PSKH1: variants seen among roughly 807,000 people sequenced by gnomAD.
The protein encoded by PSKH1 is serine/threonine-protein kinase H1.
In PSKH1, 12 loss-of-function variants were observed where a neutral mutation model predicts 26.7. The ratio of observed to expected loss-of-function variants is 0.45; its 90% CI spans 0.29 to 0.73. The LOEUF (loss-of-function observed/expected upper bound fraction) is 0.73, where lower values mean the gene tolerates loss of function less well. Ranked by LOEUF, PSKH1 falls within the 30% of genes least tolerant of loss-of-function variation. The probability of loss-of-function intolerance (pLI) is 0.11; values close to 1 mark genes in which losing one functional copy is unlikely to be tolerated. For missense variants in PSKH1, 431 were observed against 595.2 expected (o/e 0.72, Z 2.87); for synonymous variants, 213 against 234.3 (o/e 0.91, Z 0.83).
intron 1 of PSKH1, among the ~76,000 whole-genome samples, chr16:67,897,139 C>T (rs796160507): frequency 4.6e-5 from 7 of 152,318 alleles, no homozygotes; most frequent in African/African-American, 1.7e-4. Context: ...CAGCTGTCTC[C>T]ACTGACTCCC....
At chr16:67,903,189 C>G (rs576351325) in intron 1 of PSKH1, 1 of 152,042 alleles carries the variant, frequency 6.6e-6, no homozygotes, top group Non-Finnish European at 1.5e-5. Context: ...ATTTCTGTCT[C>G]CCAGGCTGGA....
chr16:67,904,025 T>G (rs1346464618), intron 1 of PSKH1, among the ~76,000 whole-genome samples: 1 of 150,210 alleles, frequency 6.7e-6, no homozygotes, highest in Admixed American at 6.6e-5. Context: ...GATTTTTTTT[T>G]TTTTTTTTGA....
chr16:67,918,389 G>A (rs2058193345), intron 2 of PSKH1, among the ~76,000 whole-genome samples: 1 of 151,900 alleles, frequency 6.6e-6, no homozygotes, highest in Non-Finnish European at 1.5e-5. Context: ...ATTTCTCACA[G>A]AGCCTTGTGA....
At position 67,927,032 on chromosome 16, in the gene PSKH1, G is replaced by A. The variant is rs1111165; in HGVS notation, c.958-293G>A. ...GTTATGATACTCCTGGGACAAGTTC[G>A]GGGGGGTCTTGGCAGAGGCCATCTC... On this transcript the variant is annotated intron_variant, in intron 2 of 2. Transcript: ENST00000291041. The surrounding 1 kb of genome is among the most constrained non-coding windows in gnomAD (Gnocchi z 5.5). Among the ~76,000 whole-genome samples the A allele has an allele frequency of 1.3e-5, 2 of 152,074 alleles. No individual in the cohort carries two copies. Among genetic ancestry groups the A allele is most frequent in the South Asian group, 2.1e-4 (1 of 4,826 alleles).
chr16:67,924,487 A>G (rs1209643461), intron 2 of PSKH1, among the ~76,000 whole-genome samples: 2 of 152,226 alleles, frequency 1.3e-5, no homozygotes, highest in Non-Finnish European at 2.9e-5. Flanking sequence ...GGCCCCTCCA[A>G]GACTGCACTG....
chr16:67,917,778 C>T (rs1236348978), intron 2 of PSKH1, among the ~76,000 whole-genome samples: 1 of 152,112 alleles, frequency 6.6e-6, no homozygotes, highest in Non-Finnish European at 1.5e-5. Context: ...AGGCCCAGGG[C>T]TGGTGTGTGC....
chr16:67,916,009 T>G (rs547869703), intron 2 of PSKH1, among the ~76,000 whole-genome samples: 1 of 152,346 alleles, frequency 6.6e-6, no homozygotes, highest in South Asian at 2.1e-4. Flanking sequence ...GGCCTTGGCA[T>G]AGAGCCACTG....
chr16:67,926,179 G>A (rs1230816943), intron 2 of PSKH1, among the ~76,000 whole-genome samples: 1 of 152,098 alleles, frequency 6.6e-6, no homozygotes, highest in African/African-American at 2.4e-5. Flanking sequence ...CCTATCCTTG[G>A]GGGAGCCTCA....
At chr16:67,920,857 T>G (rs1171794903) in intron 2 of PSKH1, among the ~76,000 whole-genome samples, 1 of 152,076 alleles carries the variant, frequency 6.6e-6, no homozygotes, top group East Asian at 1.9e-4. Flanking sequence ...TCATTCTTCC[T>G]CCATCCCATA....
chr16:67,904,764 T>C (rs1598187702), intron 1 of PSKH1, among the ~76,000 whole-genome samples: 1 of 151,724 alleles, frequency 6.6e-6, no homozygotes, highest in East Asian at 1.9e-4. Flanking sequence ...TTACTCCCGG[T>C]GCTGGGATGG....
Position 67,909,150 on chromosome 16 carries a change from G to C in PSKH1, c.401G>C (p.Arg134Pro). Residue 134 changes from arginine (R) to proline (P), a missense_variant, in exon 2 of 3, where the codon CGG becomes CCG. Physicochemically the swap from Arg to Pro is moderately radical, Grantham distance 103 (BLOSUM62 -2). Coordinates refer to ENST00000291041, the MANE Select transcript of PSKH1 (RefSeq NM_006742.3). The surrounding 1 kb of genome is among the most constrained non-coding windows in gnomAD (Gnocchi z 7.8). ...ATCAAGATGATTGAGACCAAGTACC[G>C]GGAGGGGCGGGAGGTGTGTGAGTCG... ...YAIKMIETKY[R>P]EGREVCESEL... 6.2e-7 allele frequency: 1 copy of C among 1,614,154 alleles called. No individual in the cohort carries two copies. The highest frequency in any genetic ancestry group is 8.5e-7 in the Non-Finnish European group (1 of 1,180,038).
chr16:67,897,827 C>T (rs745366352), intron 1 of PSKH1, among the ~76,000 whole-genome samples: 46 of 152,182 alleles, frequency 3.0e-4, no homozygotes, highest in Non-Finnish European at 6.0e-4. Flanking sequence ...GCTGGGACTA[C>T]AGGCACACAG....
intron 2 of PSKH1, among the ~76,000 whole-genome samples, chr16:67,924,610 CTT>C (rs2058211316): frequency 6.6e-6 from 1 of 152,216 alleles, no homozygotes; most frequent in Non-Finnish European, 1.5e-5. Context: ...AGTTGCCCCT[CTT>C]TTGTCTTGGC....
At chr16:67,901,545 G>C (rs1285845101) in intron 1 of PSKH1, among the ~76,000 whole-genome samples, 1 of 151,358 alleles carries the variant, frequency 6.6e-6, no homozygotes, top group South Asian at 2.1e-4. Flanking sequence ...TGTTGCCCAG[G>C]CTGGCTCAAA....
intron 1 of PSKH1, among the ~76,000 whole-genome samples, chr16:67,904,612 T>G (rs2058150983): frequency 6.6e-6 from 1 of 151,972 alleles, no homozygotes; most frequent in South Asian, 2.1e-4. Flanking sequence ...AGTGCTAGGA[T>G]TACAGGCGTG....
chr16:67,899,233 G>T (rs374765935), intron 1 of PSKH1, among the ~76,000 whole-genome samples: 133 of 152,196 alleles, frequency 8.7e-4, no homozygotes, highest in Middle Eastern at 3.4e-3. Flanking sequence ...TGTCCAAAGA[G>T]TGTGGCTATG....
intron 2 of PSKH1, among the ~76,000 whole-genome samples, chr16:67,920,427 A>G (rs1027416772): frequency 6.6e-6 from 1 of 151,982 alleles, no homozygotes. Context: ...ACACCGGGCT[A>G]ATTTTTTAGG....
rs1349347841 is a variant in PSKH1 at position 67,908,719 on chromosome 16, C to T, written c.-31C>T. On this transcript the variant is annotated 5_prime_UTR_variant, in exon 2 of 3. Transcript: ENST00000291041. ...CTGCCTTCAGAGCAGGTCCTGCCAG[C>T]CTCGCTGGAGAGGATGCCCTCGTGT... is the stretch of plus-strand genomic sequence containing the variant. The T allele has an allele frequency of 3.2e-6, 5 of 1,546,594 alleles. No individual in the cohort carries two copies. Among genetic ancestry groups the T allele is most frequent in the African/African-American group, 2.7e-5 (2 of 73,614 alleles).
intron 2 of PSKH1, among the ~76,000 whole-genome samples, chr16:67,911,912 C>CT (rs948192873): frequency 2.0e-5 from 3 of 152,246 alleles, no homozygotes; most frequent in Non-Finnish European, 4.4e-5. Flanking sequence ...GAGGCTGACT[C>CT]TGTCACAGGC....
Sources: allele counts gnomAD v4.1 joint callset (sites outside exome capture counted in the v4.1 genomes callset), GRCh38; gene constraint gnomAD v4.1.1; non-coding constraint Gnocchi (gnomAD v3.1); transcripts MANE v1.5; gene names NCBI Gene and HGNC (gene_info 2026-07-23, HGNC 2026-07-21).